MAST4: variants seen among roughly 807,000 people sequenced by gnomAD.
MAST4 encodes the protein microtubule associated serine/threonine kinase family member 4.
MAST4 carries 89 observed loss-of-function variants against 162.7 expected under a neutral mutation model. That is an observed-to-expected ratio of 0.55 (90% confidence interval 0.46 to 0.65). The LOEUF (loss-of-function observed/expected upper bound fraction) is 0.65. Ranked by LOEUF, MAST4 falls within the 30% of genes least tolerant of loss-of-function variation. MAST4 has a pLI of 0.00. For synonymous variants in MAST4, 1,479 were observed against 1,361.1 expected, an observed-to-expected ratio of 1.09 and a Z score of -1.91; for missense variants, 3,153 against 3,374.0, an observed-to-expected ratio of 0.93 and a Z score of 1.62.
chr5:66,646,109 C>A (rs771409484), intron 1 of MAST4, among the ~76,000 whole-genome samples: 1 of 152,064 alleles, frequency 6.6e-6, no homozygotes. Flanking sequence ...TTTTTGTAGT[C>A]GAATTCCCCC....
At chr5:67,153,324 T>G in intron 25 of MAST4, 134 bp from the exon 26 acceptor site, 2 of 920,394 alleles carry the variant, frequency 2.2e-6, no homozygotes, top group South Asian at 4.8e-5. Context: ...ATAGGAATAG[T>G]AAACGTACCT....
Position 67,045,555 on chromosome 5 carries a change from A to G in MAST4, c.675-8849A>G, listed in dbSNP as rs576009119. ...ACCACATATATGAAGGACTGCATAT[A>G]CACAGGTGGTCCCACATGATTGTAA... On this transcript the variant is annotated intron_variant, in intron 4 of 28. Transcript: ENST00000403625. 4.4e-4 allele frequency among the ~76,000 whole-genome samples: 67 copies of G among 152,346 alleles called. No individual in the cohort carries two copies. The South Asian group carries it at 0.013, about 31-fold the overall frequency.
intron 2 of MAST4, among the ~76,000 whole-genome samples, chr5:66,760,308 G>C (rs1344349647): frequency 6.6e-6 from 1 of 151,780 alleles, no homozygotes; most frequent in Non-Finnish European, 1.5e-5. Context: ...TGGAGACGGG[G>C]TTTCACCGTG....
intron 1 of MAST4, among the ~76,000 whole-genome samples, chr5:66,618,736 A>G (rs1327435480): frequency 6.6e-6 from 1 of 152,220 alleles, no homozygotes; most frequent in Non-Finnish European, 1.5e-5. Flanking sequence ...TACTCCCATT[A>G]GGAATATTGT....
At chr5:67,136,842 CAG>C (rs1265898022) in intron 19 of MAST4, among the ~76,000 whole-genome samples, 178 bp downstream of exon 19, 1 of 152,186 alleles carries the variant, frequency 6.6e-6, no homozygotes, top group African/African-American at 2.4e-5. Context: ...TGATTCAAAA[CAG>C]TGTGTACGCT....
chr5:67,160,373 A>AT (rs1323749345), intron 26 of MAST4, 83 bp from the exon 27 acceptor site: 36 of 1,339,104 alleles, frequency 2.7e-5, no homozygotes, highest in Non-Finnish European at 3.4e-5. Flanking sequence ...TTCTATTTGT[A>AT]TTTGTCTATG....
At chr5:66,980,725 A>G (rs139171108) in intron 4 of MAST4, among the ~76,000 whole-genome samples, 135 of 152,358 alleles carry the variant, frequency 8.9e-4, no homozygotes, top group Admixed American at 2.4e-3. Context: ...CAGAACTCAG[A>G]GATAATGTTT....
rs532086605 is a variant in MAST4 at position 67,112,391 on chromosome 5, C to T, written c.1459-1696C>T. Among the ~76,000 whole-genome samples the T allele has an allele frequency of 2.5e-4, 38 of 152,292 alleles. No individual in the cohort carries two copies. The South Asian group carries it at 5.8e-3, about 23-fold the overall frequency. Reference sequence around the variant, plus strand: ...GGTGTCCTCCAATTCCATTCCAACACTGTCTACGCAGAGATAGCATTAGAT... The same window carrying T: ...GGTGTCCTCCAATTCCATTCCAACATTGTCTACGCAGAGATAGCATTAGAT... On this transcript the variant is annotated intron_variant, in intron 11 of 28. Coordinates refer to ENST00000403625, the MANE Select transcript of MAST4 (RefSeq NM_001164664.2).
chr5:66,757,016 T>A (rs183311342), intron 1 of MAST4, among the ~76,000 whole-genome samples: 1 of 151,586 alleles, frequency 6.6e-6, no homozygotes, highest in South Asian at 2.1e-4. Flanking sequence ...ATGAATTAGG[T>A]TTTTTTTCTG....
intron 1 of MAST4, among the ~76,000 whole-genome samples, chr5:66,729,040 G>C (rs985243005): frequency 4.6e-5 from 7 of 152,226 alleles, no homozygotes; most frequent in Non-Finnish European, 5.9e-5. Context: ...GTATTCTCAG[G>C]GAAGTCAAAG....
intron 3 of MAST4, among the ~76,000 whole-genome samples, chr5:66,811,338 A>G (rs1580509982): frequency 6.6e-6 from 1 of 152,274 alleles, no homozygotes; most frequent in East Asian, 1.9e-4. Context: ...TTTTGTTTTT[A>G]ATGACACCAT....
chr5:66,935,742 A>G, intron 4 of MAST4, among the ~76,000 whole-genome samples: 1 of 149,482 alleles, frequency 6.7e-6, no homozygotes, highest in Middle Eastern at 3.2e-3. Context: ...ATCTCAGTTC[A>G]CTGCCACCTC....
At chr5:66,918,222 A>T (rs1764245137) in intron 4 of MAST4, among the ~76,000 whole-genome samples, 1 of 152,164 alleles carries the variant, frequency 6.6e-6, no homozygotes, top group Non-Finnish European at 1.5e-5. Context: ...TTTTCAATGA[A>T]TGTAAGTTTT....
intron 4 of MAST4, among the ~76,000 whole-genome samples, chr5:67,014,810 A>G (rs939430720): frequency 2.2e-4 from 33 of 152,340 alleles, no homozygotes; most frequent in East Asian, 1.7e-3. Context: ...TCATTTTTCT[A>G]TAACATTGTG....
At chr5:67,018,514 C>CA (rs917653518) in intron 4 of MAST4, among the ~76,000 whole-genome samples, 26 of 145,440 alleles carry the variant, frequency 1.8e-4, no homozygotes, top group African/African-American at 4.3e-4. Flanking sequence ...GACCCTGTCT[C>CA]AAAAAAAAAA....
chr5:66,838,362 A>G (rs1230456670), intron 3 of MAST4, among the ~76,000 whole-genome samples: 2 of 152,184 alleles, frequency 1.3e-5, no homozygotes, highest in African/African-American at 2.4e-5. Context: ...AGTCAAGGAC[A>G]GAACCCCATT....
intron 1 of MAST4, among the ~76,000 whole-genome samples, chr5:66,708,262 A>G (rs1750269271): frequency 1.3e-5 from 2 of 152,106 alleles, no homozygotes; most frequent in Admixed American, 6.5e-5. Context: ...AAGTCTGACT[A>G]CCTTGGGGCA....
At chr5:67,078,425 A>G (rs1393938958) in intron 5 of MAST4, among the ~76,000 whole-genome samples, 1 of 151,182 alleles carries the variant, frequency 6.6e-6, no homozygotes, top group Non-Finnish European at 1.5e-5. Context: ...AAGAAACACA[A>G]ATCGTCAGTT....
At chr5:66,700,852 C>T (rs1387557949) in intron 1 of MAST4, among the ~76,000 whole-genome samples, 1 of 149,404 alleles carries the variant, frequency 6.7e-6, no homozygotes, top group Admixed American at 6.7e-5. Context: ...TGTATTAGAA[C>T]TTGTGGATAA....
Sources: gnomAD v4.1 joint callset for allele counts (sites outside exome capture counted in the v4.1 genomes callset) on GRCh38, gnomAD v4.1.1 for gene constraint, MANE v1.5 for transcripts, NCBI Gene and HGNC (gene_info 2026-07-23, HGNC 2026-07-21) for gene names.